The following SNTG1 variants were observed in gnomAD, a reference collection of about 807,000 sequenced individuals.
SNTG1 encodes gamma-1-syntrophin.
A neutral mutation model predicts 74.7 loss-of-function variants in SNTG1; 39 were observed. That is an observed-to-expected ratio of 0.52 (90% CI 0.40 to 0.68). SNTG1 has a LOEUF of 0.68. Among genes scored for constraint, SNTG1 ranks in the 30% least tolerant of loss-of-function variants. The pLI, the probability that SNTG1 is intolerant of heterozygous loss-of-function variation, is 0.00. For missense variants in SNTG1, 685 were observed against 609.5 expected (o/e 1.12, Z -1.30); for synonymous variants, 254 against 217.1 (o/e 1.17, Z -1.49).
chr8:49,943,343 T>C (rs1003236706), intron 1 of SNTG1, among the ~76,000 whole-genome samples: 2 of 152,196 alleles, frequency 1.3e-5, no homozygotes, highest in African/African-American at 4.8e-5. Flanking sequence ...GTGCTTGCAG[T>C]ATAAAGATGA....
At chr8:50,318,321 T>C (rs1035912266) in intron 2 of SNTG1, among the ~76,000 whole-genome samples, 1 of 152,196 alleles carries the variant, frequency 6.6e-6, no homozygotes, top group South Asian at 2.1e-4. Context: ...GTGGAAAGCA[T>C]TGGATACAAT....
chr8:50,185,131 T>C lies in SNTG1; in HGVS notation c.-28+12496T>C, dbSNP rs1586622552. ...GTCCCCACCCAAATCTCACATTGAA[T>C]TGTAGTAATCCCCACATGTCAAGGG... is the stretch of plus-strand genomic sequence containing the variant. On this transcript the variant is annotated intron_variant, in intron 2 of 18. Coordinates refer to ENST00000642720, the MANE Select transcript of SNTG1 (RefSeq NM_018967.5). Among the ~76,000 whole-genome samples, 3 of 152,280 alleles carry C rather than the reference T, an allele frequency of 2.0e-5. No homozygotes were observed. In the South Asian group the frequency reaches 6.2e-4, roughly 32 times the overall value.
chr8:50,156,344 G>A (rs972370124), intron 1 of SNTG1, among the ~76,000 whole-genome samples: 3 of 151,954 alleles, frequency 2.0e-5, no homozygotes, highest in Non-Finnish European at 4.4e-5. Context: ...TTAAAATTAC[G>A]GATCTATAAC....
Position 50,793,799 on chromosome 8 carries a change from C to T in SNTG1, c.*970C>T, listed in dbSNP as rs980472170. 1.3e-5 allele frequency: 2 copies of T among 151,728 alleles called. No homozygotes were observed. Among genetic ancestry groups the T allele is most frequent in the Admixed American group, 1.3e-4 (2 of 15,182 alleles). The allele number at this position is 151,728 out of a possible 1,614,324, so 9.4% of individuals were successfully genotyped here. A position where few individuals can be genotyped will look rare whatever the true frequency, so the allele number is the denominator to read the frequency against. ...ATGTCCCCCGAAAACAGTCCCAAAG[C>T]TATTATAGATGTTAATTAAATGACA... is the stretch of plus-strand genomic sequence containing the variant. On this transcript the variant is annotated 3_prime_UTR_variant, in exon 19 of 19. Coordinates refer to ENST00000642720, the MANE Select transcript of SNTG1 (RefSeq NM_018967.5).
rs540220315 is a variant in SNTG1, at chr8:50,435,113, C to G, written c.163-3430C>G. On this transcript the variant is annotated intron_variant, in intron 4 of 18. Coordinates refer to ENST00000642720, the MANE Select transcript of SNTG1 (RefSeq NM_018967.5). The stretch of plus-strand genomic sequence containing the variant: ...TAGTTATATTTTTCTACAAAGCATA[C>G]TAAGTATTTAATACAAGGCTTTTTT... 1.8e-3 allele frequency among the ~76,000 whole-genome samples: 268 copies of G among 152,176 alleles called. 2 individuals are homozygous for G. Among genetic ancestry groups the G allele is most frequent in the African/African-American group, 6.2e-3 (259 of 41,526 alleles).
intron 18 of SNTG1, among the ~76,000 whole-genome samples, chr8:50,756,563 A>C (rs894051765): frequency 1.3e-5 from 2 of 151,774 alleles, no homozygotes; most frequent in Non-Finnish European, 2.9e-5. Context: ...CCTTAGTCAA[A>C]GATTAGTTGA....
At chr8:49,923,655 G>A (rs954332098) in intron 1 of SNTG1, among the ~76,000 whole-genome samples, 2 of 151,782 alleles carry the variant, frequency 1.3e-5, no homozygotes, top group Non-Finnish European at 2.9e-5. Context: ...TATTATAACT[G>A]CTCCTAATGA....
chr8:50,177,579 C>G (rs551788926), intron 2 of SNTG1, among the ~76,000 whole-genome samples: 6 of 152,238 alleles, frequency 3.9e-5, no homozygotes, highest in Admixed American at 2.0e-4. Flanking sequence ...TTACAGCCAG[C>G]AAAAAGCACA....
At chr8:50,670,249 A>T (rs1217708699) in intron 15 of SNTG1, among the ~76,000 whole-genome samples, 1 of 152,172 alleles carries the variant, frequency 6.6e-6, no homozygotes, top group Non-Finnish European at 1.5e-5. Flanking sequence ...AAGAAGTCAA[A>T]TTGTCCCTGT....
intron 1 of SNTG1, among the ~76,000 whole-genome samples, chr8:50,169,622 T>C (rs1332156923): frequency 6.6e-6 from 1 of 152,218 alleles, no homozygotes; most frequent in African/African-American, 2.4e-5. Context: ...GTTATTCTAG[T>C]TCCTTGTTAA....
At chr8:50,179,180 G>T (rs1398598876) in intron 2 of SNTG1, among the ~76,000 whole-genome samples, 1 of 152,106 alleles carries the variant, frequency 6.6e-6, no homozygotes, top group Non-Finnish European at 1.5e-5. Flanking sequence ...CTGTTTTTAT[G>T]CCAGTACCAT....
At chr8:50,340,268 G>A (rs12544815) in intron 2 of SNTG1, among the ~76,000 whole-genome samples, 2,503 of 152,104 alleles carry the variant, frequency 0.016, 37 homozygotes, top group Non-Finnish European at 0.023. Context: ...TAACACAATA[G>A]TGAAGAAGAG....
At chr8:50,395,573 G>A (rs1359417657) in intron 3 of SNTG1, among the ~76,000 whole-genome samples, 1 of 145,064 alleles carries the variant, frequency 6.9e-6, no homozygotes, top group Non-Finnish European at 1.5e-5. Flanking sequence ...GCGCGATCTC[G>A]GCTCACTGCA....
At chr8:50,452,699 C>A (rs981486866) in intron 8 of SNTG1, among the ~76,000 whole-genome samples, 1 of 152,070 alleles carries the variant, frequency 6.6e-6, no homozygotes, top group Non-Finnish European at 1.5e-5. Context: ...TCACAATAAG[C>A]TTTTATTTTT....
chr8:50,573,770 T>TA (rs574683169), intron 12 of SNTG1, among the ~76,000 whole-genome samples: 47 of 151,954 alleles, frequency 3.1e-4, no homozygotes, highest in Non-Finnish European at 4.0e-4. Context: ...ATAGTTCCAG[T>TA]AAAAAATGTC....
intron 2 of SNTG1, among the ~76,000 whole-genome samples, chr8:50,280,961 G>A (rs1375471819): frequency 2.9e-5 from 4 of 138,704 alleles, no homozygotes; most frequent in Admixed American, 7.8e-5. Flanking sequence ...AGACCATCCT[G>A]GCTAACATGG....
At chr8:50,276,613 G>A (rs917194026) in intron 2 of SNTG1, among the ~76,000 whole-genome samples, 7 of 151,870 alleles carry the variant, frequency 4.6e-5, no homozygotes, top group African/African-American at 1.7e-4. Flanking sequence ...TCTATGTTGA[G>A]TTTTTAATCA....
At chr8:50,119,095 C>T (rs1017997642) in intron 1 of SNTG1, among the ~76,000 whole-genome samples, 4 of 141,488 alleles carry the variant, frequency 2.8e-5, no homozygotes, top group African/African-American at 1.0e-4. Flanking sequence ...AACAAACAAA[C>T]AAACAAAACA....
chr8:50,789,053 C>T (rs1454201326), intron 18 of SNTG1, among the ~76,000 whole-genome samples: 4 of 152,040 alleles, frequency 2.6e-5, no homozygotes, highest in Admixed American at 2.6e-4. Flanking sequence ...TATTCCTATG[C>T]CCCCTTTAAA....
Sources: gnomAD v4.1 joint callset for allele counts (sites outside exome capture counted in the v4.1 genomes callset) on GRCh38, gnomAD v4.1.1 for gene constraint, MANE v1.5 for transcripts, NCBI Gene and HGNC (gene_info 2026-07-23, HGNC 2026-07-21) for gene names.